Variants in ANKS1B observed in about 807,000 individuals in gnomAD.
ANKS1B encodes ankyrin repeat and sterile alpha motif domain containing 1B, also known as ankyrin repeat and sterile alpha motif domain-containing protein 1B.
ANKS1B carries 36 observed loss-of-function variants against 148.3 expected under a neutral mutation model. The ratio of observed to expected loss-of-function variants is 0.24; its 90% confidence interval spans 0.19 to 0.32. The LOEUF (loss-of-function observed/expected upper bound fraction) is 0.32, where lower values mean the gene tolerates loss of function less well. ANKS1B is among the 10% of genes least tolerant of loss of function. ANKS1B has a pLI of 1.00. For synonymous variants in ANKS1B, 542 were observed against 560.8 expected (o/e 0.97, Z 0.47); for missense variants, 1,157 against 1,542.6 (o/e 0.75, Z 4.19).
rs192468125 is a variant in ANKS1B at position 99,459,920 on chromosome 12, C to T, written c.1439-16111G>A. Among the ~76,000 whole-genome samples the T allele has an allele frequency of 8.6e-4, 131 of 151,914 alleles. No individual in the cohort carries two copies. In the East Asian group the frequency reaches 0.022, roughly 25 times the overall value. On this transcript the variant is annotated intron_variant, in intron 10 of 26. Transcript: ENST00000683438. ...AGAAAAAACAATCCTAAAATTCATA[C>T]GGACCCCAAAAAGAGCCCACATAAC...
chr12:99,742,892 G>T (rs564831432), intron 8 of ANKS1B, among the ~76,000 whole-genome samples: 1 of 150,300 alleles, frequency 6.7e-6, no homozygotes, highest in South Asian at 2.1e-4. Context: ...TTCTCTGGTT[G>T]CTTTTATTTC....
chr12:99,218,922 C>T (rs1019673074), intron 14 of ANKS1B, among the ~76,000 whole-genome samples: 2 of 152,194 alleles, frequency 1.3e-5, no homozygotes, highest in Non-Finnish European at 2.9e-5. Context: ...CACCTCCTAA[C>T]CATTTTCTGA....
chr12:98,849,241 T>G (rs1314877355), intron 17 of ANKS1B, among the ~76,000 whole-genome samples: 1 of 152,148 alleles, frequency 6.6e-6, no homozygotes, highest in Non-Finnish European at 1.5e-5. Flanking sequence ...CTTTTTTTTT[T>G]TTATTTAGAT....
At chr12:99,880,488 T>A (rs576848888) in intron 1 of ANKS1B, among the ~76,000 whole-genome samples, 3 of 152,302 alleles carry the variant, frequency 2.0e-5, no homozygotes, top group Admixed American at 1.3e-4. Flanking sequence ...GAATGCCAAG[T>A]AAGTTATATT....
chr12:99,676,304 C>T (rs1345735888), intron 8 of ANKS1B, among the ~76,000 whole-genome samples: 1 of 152,050 alleles, frequency 6.6e-6, no homozygotes, highest in African/African-American at 2.4e-5. Context: ...CTAATACACT[C>T]GCATATATAA....
At chr12:98,822,143 G>T (rs1411947287) in intron 19 of ANKS1B, among the ~76,000 whole-genome samples, 1 of 151,548 alleles carries the variant, frequency 6.6e-6, no homozygotes. Flanking sequence ...TCTTGAGTTG[G>T]ATTTTTTGTT....
At chr12:98,878,970 T>C (rs915276376) in intron 17 of ANKS1B, among the ~76,000 whole-genome samples, 1 of 152,236 alleles carries the variant, frequency 6.6e-6, no homozygotes, top group African/African-American at 2.4e-5. Context: ...GCAGATCTAA[T>C]GAACAGGGCA....
intron 19 of ANKS1B, among the ~76,000 whole-genome samples, chr12:98,810,333 T>C (rs554069085): frequency 6.6e-6 from 1 of 152,350 alleles, no homozygotes; most frequent in African/African-American, 2.4e-5. Context: ...AAAGTGAACA[T>C]AGGCCACATG....
At chr12:99,463,707 T>A (rs1595300172) in intron 10 of ANKS1B, among the ~76,000 whole-genome samples, 1 of 152,062 alleles carries the variant, frequency 6.6e-6, no homozygotes, top group Admixed American at 6.5e-5. Context: ...CAGTCTGAGA[T>A]CAAACTGCAA....
intron 17 of ANKS1B, among the ~76,000 whole-genome samples, chr12:99,021,336 G>T (rs146225610): frequency 1.6e-3 from 239 of 152,134 alleles, no homozygotes; most frequent in Middle Eastern, 3.4e-3. Flanking sequence ...TTTATTTGAG[G>T]ATAGACTTCA....
rs558549948 is a variant in ANKS1B at position 99,408,848 on chromosome 12, G to A, written c.1576-9037C>T. Among the ~76,000 whole-genome samples, 11 of 145,672 alleles carry A rather than the reference G, an allele frequency of 7.6e-5. 1 individual carries two copies. In the South Asian group the frequency reaches 2.3e-3, roughly 31 times the overall value. ...GGCTTTTATCCAAAAGACAGGCAAC[G>A]ACAAATGCTGGCAAGGATGTAGAGA... On this transcript the variant is annotated intron_variant, in intron 11 of 26. Coordinates refer to ENST00000683438, the MANE Select transcript of ANKS1B (RefSeq NM_001352186.2).
At chr12:99,282,319 T>A (rs1343288480) in intron 12 of ANKS1B, among the ~76,000 whole-genome samples, 1 of 152,134 alleles carries the variant, frequency 6.6e-6, no homozygotes, top group East Asian at 1.9e-4. Flanking sequence ...TGGAGCAAAG[T>A]GGGCAAAAGA....
chr12:99,722,945 C>T (rs191796930), intron 8 of ANKS1B, among the ~76,000 whole-genome samples: 17 of 152,324 alleles, frequency 1.1e-4, no homozygotes, highest in African/African-American at 2.2e-4. Context: ...CCCACCCCCC[C>T]GCCAAGGGAG....
intron 8 of ANKS1B, among the ~76,000 whole-genome samples, chr12:99,747,196 C>G (rs867282233): frequency 6.6e-6 from 1 of 152,210 alleles, no homozygotes; most frequent in Middle Eastern, 3.4e-3. Context: ...CAAACCTCCC[C>G]CTGCTAGGCA....
chr12:98,837,523 G>GT (rs1183789310), intron 17 of ANKS1B, among the ~76,000 whole-genome samples: 1 of 152,070 alleles, frequency 6.6e-6, no homozygotes, highest in Non-Finnish European at 1.5e-5. Flanking sequence ...ATTTTCTCCA[G>GT]TATCACTTAA....
chr12:99,325,632 G>T (rs972025629), intron 12 of ANKS1B, among the ~76,000 whole-genome samples: 3 of 152,086 alleles, frequency 2.0e-5, no homozygotes, highest in Admixed American at 2.0e-4. Context: ...ACACTTGATG[G>T]TTGCTAAAAT....
chr12:99,569,708 C>G (rs2097432025), intron 9 of ANKS1B, among the ~76,000 whole-genome samples: 1 of 152,158 alleles, frequency 6.6e-6, no homozygotes, highest in African/African-American at 2.4e-5. Flanking sequence ...CACCCAATGT[C>G]CACCCCATTA....
chr12:99,584,809 C>A (rs116537066), intron 9 of ANKS1B, among the ~76,000 whole-genome samples: 1,762 of 152,060 alleles, frequency 0.012, 44 homozygotes, highest in African/African-American at 0.04. Context: ...ACCAACAGAT[C>A]GCGTGAGACT....
At chr12:98,808,803 G>A (rs760769900) in intron 19 of ANKS1B, among the ~76,000 whole-genome samples, 13 of 152,134 alleles carry the variant, frequency 8.5e-5, no homozygotes, top group South Asian at 2.1e-4. Flanking sequence ...AAGACACTGT[G>A]AAATTAAATC....
Sources: allele counts gnomAD v4.1 joint callset (sites outside exome capture counted in the v4.1 genomes callset), GRCh38; gene constraint gnomAD v4.1.1; transcripts MANE v1.5; gene names NCBI Gene and HGNC (gene_info 2026-07-23, HGNC 2026-07-21).